KRTAP5-8: variants seen among roughly 807,000 people sequenced by gnomAD.
KRTAP5-8 encodes keratin associated protein 5-8.
KRTAP5-8 carries 2 observed loss-of-function variants against 2.7 expected under a neutral mutation model. The observed-to-expected ratio is 0.75, with a 90% confidence interval of 0.30 to 2.35. The LOEUF (loss-of-function observed/expected upper bound fraction) is 2.35. KRTAP5-8 is among the 30% of genes most tolerant of loss of function. The pLI is 0.12. For missense variants in KRTAP5-8, 183 were observed against 227.2 expected, an observed-to-expected ratio of 0.81 and a Z score of 1.25; for synonymous variants, 62 against 89.1, an observed-to-expected ratio of 0.70 and a Z score of 1.71.
chr11:71,538,372 A>C lies in KRTAP5-8; in HGVS notation c.317A>C (p.Gln106Pro). The change falls in exon 1 of 1, where the codon CAG becomes CCG. Residue 106 changes from glutamine to proline, a missense_variant. Physicochemically the swap from Gln to Pro is moderately conservative, Grantham distance 76. This residue lies in a region of KRTAP5-8 where 70 missense variants were observed against 117.9 expected (regional missense o/e 0.59). Coordinates refer to ENST00000398534, the MANE Select transcript of KRTAP5-8 (RefSeq NM_021046.3). ...TCAGGCTGTGGGTCATCCTGCTGCC[A>C]GTCCAGCTGCTGCAAACCCTGCTGT... Reference protein sequence around the residue: ...CSSGCGSSCCQSSCCKPCCSQ... With the variant: ...CSSGCGSSCCPSSCCKPCCSQ... 2 of 1,602,506 alleles carry C rather than the reference A, an allele frequency of 1.2e-6. No homozygotes were observed. The highest frequency in any genetic ancestry group is 1.7e-6 in the Non-Finnish European group (2 of 1,173,722).
At position 71,538,336 on chromosome 11, in the gene KRTAP5-8, G is replaced by C. The variant is rs369249854; in HGVS notation, c.281G>C (p.Cys94Ser). The change falls in exon 1 of 1, where the codon TGC (cysteine) becomes TCC (serine). Residue 94 changes from cysteine to serine, a missense_variant. Cys to Ser is a moderately radical substitution (Grantham distance 112, BLOSUM62 -1). Around this residue, in one of 2 missense-constraint regions of KRTAP5-8, gnomAD observed 70 missense variants for 117.9 expected, o/e 0.59. Coordinates refer to ENST00000398534, the MANE Select transcript of KRTAP5-8 (RefSeq NM_021046.3). ...GCSQCSCYKP[C>S]CCSSGCGSSC... Reference sequence around the variant, plus strand: ...TCCCAGTGCAGCTGCTATAAGCCCTGCTGTTGCTCCTCAGGCTGTGGGTCA... The same window carrying C: ...TCCCAGTGCAGCTGCTATAAGCCCTCCTGTTGCTCCTCAGGCTGTGGGTCA... The C allele has an allele frequency of 2.5e-6, 4 of 1,611,112 alleles. No individual in the cohort carries two copies. The African/African-American group carries it at 5.3e-5, about 22-fold the overall frequency.
In KRTAP5-8 at chr11:71,538,414, G is replaced by C. The variant is rs757348384; in HGVS notation, c.359G>C (p.Cys120Ser). 4 of 1,611,132 alleles carry C rather than the reference G, an allele frequency of 2.5e-6. No homozygotes were observed. Among genetic ancestry groups the C allele is most frequent in the Non-Finnish European group, 3.4e-6 (4 of 1,178,978 alleles). Residue 120 changes from cysteine to serine, a missense_variant, in exon 1 of 1, where the codon TGT becomes TCT. Coordinates refer to ENST00000398534, the MANE Select transcript of KRTAP5-8 (RefSeq NM_021046.3). ...CKPCCSQSSC[C>S]KPCSCSSGCG... ...CCCTGCTGTTCCCAGTCCAGCTGTTGTAAGCCCTGCAGCTGCTCTTCAGGC... is the reference window on the plus strand; with the variant it reads ...CCCTGCTGTTCCCAGTCCAGCTGTTCTAAGCCCTGCAGCTGCTCTTCAGGC...
Position 71,538,864 on chromosome 11 carries a change from C to T in KRTAP5-8, c.*245C>T. 2.7e-6 allele frequency: 2 copies of T among 751,106 alleles called. No individual in the cohort carries two copies. Among genetic ancestry groups the T allele is most frequent in the Non-Finnish European group, 4.3e-6 (2 of 463,102 alleles). The allele number at this position is 751,106 out of a possible 1,614,324, so 46.5% of individuals were successfully genotyped here. On this transcript the variant is annotated 3_prime_UTR_variant, in exon 1 of 1. Transcript: ENST00000398534. ...CCTTTCCTGACCTCATCACTTCAAC[C>T]TTCTCAGGGCTTCAAGATCCCACAT...
chr11:71,538,316 G>A lies in KRTAP5-8; in HGVS notation c.261G>A (p.Gln87=), dbSNP rs770115058. 6.2e-7 allele frequency: 1 copy of A among 1,613,898 alleles called. No homozygotes were observed. Among genetic ancestry groups the A allele is most frequent in the African/African-American group, 1.3e-5 (1 of 75,026 alleles). Residue 87 remains glutamine (Q), a synonymous_variant, in exon 1 of 1, where the codon CAG becomes CAA. Coordinates refer to ENST00000398534, the MANE Select transcript of KRTAP5-8 (RefSeq NM_021046.3). ...KGGCGSCGCS[Q]CSCYKPCCCS... is the part of the protein sequence containing the mutation. ...GCTGTGGTTCTTGTGGCTGCTCCCAGTGCAGCTGCTATAAGCCCTGCTGTT... is the reference window on the plus strand; with the variant it reads ...GCTGTGGTTCTTGTGGCTGCTCCCAATGCAGCTGCTATAAGCCCTGCTGTT...
Position 71,538,716 on chromosome 11 carries a change from G to T in KRTAP5-8, c.*97G>T, listed in dbSNP as rs1950062668. On this transcript the variant is annotated 3_prime_UTR_variant, in exon 1 of 1. Coordinates refer to ENST00000398534, the MANE Select transcript of KRTAP5-8 (RefSeq NM_021046.3). Reference sequence around the variant, plus strand: ...ATTCCTGAAGCACATCTCTGAGTCTGTCCTCCTCTGGACTAAGGCAGCCTA... The same window carrying T: ...ATTCCTGAAGCACATCTCTGAGTCTTTCCTCCTCTGGACTAAGGCAGCCTA... The T allele has an allele frequency of 6.2e-7, 1 of 1,603,346 alleles. No homozygotes were observed. Among genetic ancestry groups the T allele is most frequent in the South Asian group, 1.1e-5 (1 of 88,856 alleles).
Position 71,538,603 on chromosome 11 carries a change from G to A in KRTAP5-8, c.548G>A (p.Cys183Tyr). 1 of 1,607,408 alleles carries A rather than the reference G, an allele frequency of 6.2e-7. No homozygotes were observed. The highest frequency in any genetic ancestry group is 8.5e-7 in the Non-Finnish European group (1 of 1,177,348). ...TCCAGCTGCTGTGTCCCAATTTGCT[G>A]CCAGTGCAAGATCTGAGGCTCTGCC... ...SQSSCCVPIC[C>Y]QCKI is the part of the protein sequence containing the mutation. Residue 183 changes from cysteine (C) to tyrosine (Y), a missense_variant, in exon 1 of 1, where the codon TGC becomes TAC. Physicochemically the swap from Cys to Tyr is radical, Grantham distance 194. This residue lies in a region of KRTAP5-8 where 70 missense variants were observed against 117.9 expected (regional missense o/e 0.59). Transcript: ENST00000398534.
Position 71,538,077 on chromosome 11 carries a change from G to A in KRTAP5-8, c.22G>A (p.Gly8Arg), listed in dbSNP as rs749321945. 6.2e-7 allele frequency: 1 copy of A among 1,612,642 alleles called. No individual in the cohort carries two copies. Among genetic ancestry groups the A allele is most frequent in the South Asian group, 1.1e-5 (1 of 91,002 alleles). The change falls in exon 1 of 1, where the codon GGA becomes AGA. Residue 8 changes from glycine to arginine, a missense_variant. Around this residue, in one of 2 missense-constraint regions of KRTAP5-8, gnomAD observed 113 missense variants for 109.3 expected, o/e 1.03. Coordinates refer to ENST00000398534, the MANE Select transcript of KRTAP5-8 (RefSeq NM_021046.3). MGCCGCSGGCGSGCGGCG... is the reference protein window; with the variant it reads MGCCGCSRGCGSGCGGCG... ...AACCATGGGCTGCTGTGGCTGCTCT[G>A]GAGGCTGTGGCTCCGGCTGTGGGGG...
rs1199413396 is a variant in KRTAP5-8, at chr11:71,538,254, A to G, written c.199A>G (p.Lys67Glu). The stretch of plus-strand genomic sequence containing the variant: ...GGGCCGTGGCTCCTGTGGGGGCTCC[A>G]AGGGGGACTGTGGCTCCTGTGGGGG... The part of the protein sequence containing the change: ...KGGRGSCGGS[K>E]GDCGSCGGSK... The change falls in exon 1 of 1, where the codon AAG becomes GAG. Residue 67 changes from lysine to glutamate, a missense_variant. This residue lies in a region of KRTAP5-8 where 113 missense variants were observed against 109.3 expected (regional missense o/e 1.03). Coordinates refer to ENST00000398534, the MANE Select transcript of KRTAP5-8 (RefSeq NM_021046.3). 1 of 1,612,384 alleles carries G rather than the reference A, an allele frequency of 6.2e-7. No individual in the cohort carries two copies. Among genetic ancestry groups the G allele is most frequent in the Non-Finnish European group, 8.5e-7 (1 of 1,179,634 alleles).
rs777743451 is a variant in KRTAP5-8 at position 71,538,066 on chromosome 11, G to A, written c.11G>A (p.Cys4Tyr). MGC[C>Y]GCSGGCGSGC... The stretch of plus-strand genomic sequence containing the variant: ...CAACCCACCAGAACCATGGGCTGCT[G>A]TGGCTGCTCTGGAGGCTGTGGCTCC... The change falls in exon 1 of 1, where the codon TGT (cysteine) becomes TAT (tyrosine). Residue 4 changes from cysteine (C) to tyrosine (Y), a missense_variant. By Grantham distance (194) the Cys-to-Tyr change is radical. Transcript: ENST00000398534. 1 of 1,612,528 alleles carries A rather than the reference G, an allele frequency of 6.2e-7. No individual in the cohort carries two copies. Among genetic ancestry groups the A allele is most frequent in the South Asian group, 1.1e-5 (1 of 90,968 alleles).
In KRTAP5-8 at chr11:71,538,738, C is replaced by T. The variant is rs1269740683; in HGVS notation, c.*119C>T. The T allele has an allele frequency of 1.9e-6, 3 of 1,582,290 alleles. No homozygotes were observed. The highest frequency in any genetic ancestry group is 2.6e-6 in the Non-Finnish European group (3 of 1,162,576). ...TCTGTCCTCCTCTGGACTAAGGCAG[C>T]CTAGCGTCCAGGGCTCAGTACTCAG... On this transcript the variant is annotated 3_prime_UTR_variant, in exon 1 of 1. Coordinates refer to ENST00000398534, the MANE Select transcript of KRTAP5-8 (RefSeq NM_021046.3).
chr11:71,538,174 G>A lies in KRTAP5-8; in HGVS notation c.119G>A (p.Cys40Tyr), dbSNP rs1323566816. ...ATCTGCTGCTGCAAGCCCGTGTGCT[G>A]CTGTGTGCCAGCCTGTTCCTGCTCC... is the stretch of plus-strand genomic sequence containing the variant. The part of the protein sequence containing the change: ...VPICCCKPVC[C>Y]CVPACSCSSC... The change falls in exon 1 of 1, where the codon TGC (cysteine) becomes TAC (tyrosine). Residue 40 changes from cysteine to tyrosine, a missense_variant. Around this residue, in one of 2 missense-constraint regions of KRTAP5-8, gnomAD observed 113 missense variants for 109.3 expected, o/e 1.03. Transcript: ENST00000398534. 1 of 1,612,218 alleles carries A rather than the reference G, an allele frequency of 6.2e-7. No homozygotes were observed. The highest frequency in any genetic ancestry group is 1.7e-5 in the Admixed American group (1 of 59,908).
At position 71,538,287 on chromosome 11, in the gene KRTAP5-8, G is replaced by A; in HGVS notation, c.232G>A (p.Gly78Arg). Residue 78 changes from glycine to arginine, a missense_variant, in exon 1 of 1, where the codon GGA becomes AGA. Gly to Arg is a moderately radical substitution (Grantham distance 125). This residue lies in a region of KRTAP5-8 where 113 missense variants were observed against 109.3 expected (regional missense o/e 1.03). Coordinates refer to ENST00000398534, the MANE Select transcript of KRTAP5-8 (RefSeq NM_021046.3). ...GDCGSCGGSK[G>R]GCGSCGCSQC... ...CTGTGGCTCCTGTGGGGGCTCCAAG[G>A]GAGGCTGTGGTTCTTGTGGCTGCTC... The A allele has an allele frequency of 6.2e-7, 1 of 1,613,826 alleles. No homozygotes were observed. Among genetic ancestry groups the A allele is most frequent in the Non-Finnish European group, 8.5e-7 (1 of 1,179,976 alleles).
chr11:71,538,286 G>A lies in KRTAP5-8; in HGVS notation c.231G>A (p.Lys77=). The A allele has an allele frequency of 1.9e-6, 3 of 1,613,862 alleles. No homozygotes were observed. The highest frequency in any genetic ancestry group is 2.5e-6 in the Non-Finnish European group (3 of 1,179,982). The change falls in exon 1 of 1, where the codon AAG becomes AAA. Residue 77 remains lysine, a synonymous_variant. Transcript: ENST00000398534. ...ACTGTGGCTCCTGTGGGGGCTCCAA[G>A]GGAGGCTGTGGTTCTTGTGGCTGCT... is the stretch of plus-strand genomic sequence containing the variant. ...KGDCGSCGGS[K]GGCGSCGCSQ...
rs777866571 is a variant in KRTAP5-8 at position 71,538,297 on chromosome 11, G to A, written c.242G>A (p.Gly81Asp). The A allele has an allele frequency of 6.2e-7, 1 of 1,613,900 alleles. No individual in the cohort carries two copies. Among genetic ancestry groups the A allele is most frequent in the Non-Finnish European group, 8.5e-7 (1 of 1,180,016 alleles). Reference protein sequence around the residue: ...GSCGGSKGGCGSCGCSQCSCY... With the variant: ...GSCGGSKGGCDSCGCSQCSCY... ...TGTGGGGGCTCCAAGGGAGGCTGTG[G>A]TTCTTGTGGCTGCTCCCAGTGCAGC... Residue 81 changes from glycine (G) to aspartate (D), a missense_variant, in exon 1 of 1, where the codon GGT becomes GAT. Physicochemically the swap from Gly to Asp is moderately conservative, Grantham distance 94. This residue lies in a region of KRTAP5-8 where 113 missense variants were observed against 109.3 expected (regional missense o/e 1.03). Transcript: ENST00000398534.
chr11:71,538,146 C>T lies in KRTAP5-8; in HGVS notation c.91C>T (p.Pro31Ser), dbSNP rs768551165. The T allele has an allele frequency of 1.8e-5, 29 of 1,596,284 alleles. No homozygotes were observed. The highest frequency in any genetic ancestry group is 2.4e-5 in the Non-Finnish European group (28 of 1,175,042). ...GGGATGTGGCTCTAGCTGCTGTGTG[C>T]CCATCTGCTGCTGCAAGCCCGTGTG... The part of the protein sequence containing the change: ...CGGCGSSCCV[P>S]ICCCKPVCCC... The change falls in exon 1 of 1, where the codon CCC becomes TCC. Residue 31 changes from proline (P) to serine (S), a missense_variant. Coordinates refer to ENST00000398534, the MANE Select transcript of KRTAP5-8 (RefSeq NM_021046.3).
Position 71,538,102 on chromosome 11 carries a change from G to C in KRTAP5-8, c.47G>C (p.Gly16Ala). 1 of 1,611,532 alleles carries C rather than the reference G, an allele frequency of 6.2e-7. No individual in the cohort carries two copies. Among genetic ancestry groups the C allele is most frequent in the Non-Finnish European group, 8.5e-7 (1 of 1,179,288 alleles). ...CSGGCGSGCGGCGSGCGGCGS... is the reference protein window; with the variant it reads ...CSGGCGSGCGACGSGCGGCGS... ...GGAGGCTGTGGCTCCGGCTGTGGGG[G>C]CTGCGGCTCTGGCTGTGGGGGATGT... The change falls in exon 1 of 1, where the codon GGC becomes GCC. Residue 16 changes from glycine (G) to alanine (A), a missense_variant. Coordinates refer to ENST00000398534, the MANE Select transcript of KRTAP5-8 (RefSeq NM_021046.3).
chr11:71,538,301 T>C lies in KRTAP5-8; in HGVS notation c.246T>C (p.Ser82=), dbSNP rs1950058718. The C allele has an allele frequency of 6.2e-7, 1 of 1,613,862 alleles. No individual in the cohort carries two copies. Among genetic ancestry groups the C allele is most frequent in the Admixed American group, 1.7e-5 (1 of 60,000 alleles). ...SCGGSKGGCG[S]CGCSQCSCYK... ...GGGGCTCCAAGGGAGGCTGTGGTTC[T>C]TGTGGCTGCTCCCAGTGCAGCTGCT... The change falls in exon 1 of 1, where the codon TCT becomes TCC. Residue 82 remains serine, a synonymous_variant. Coordinates refer to ENST00000398534, the MANE Select transcript of KRTAP5-8 (RefSeq NM_021046.3).
In KRTAP5-8 at chr11:71,538,602, T is replaced by G. The variant is rs1950061921; in HGVS notation, c.547T>G (p.Cys183Gly). ...SQSSCCVPIC[C>G]QCKI ...GTCCAGCTGCTGTGTCCCAATTTGCTGCCAGTGCAAGATCTGAGGCTCTGC... is the reference window on the plus strand; with the variant it reads ...GTCCAGCTGCTGTGTCCCAATTTGCGGCCAGTGCAAGATCTGAGGCTCTGC... Residue 183 changes from cysteine (C) to glycine (G), a missense_variant, in exon 1 of 1, where the codon TGC (cysteine) becomes GGC (glycine). Physicochemically the swap from Cys to Gly is radical, Grantham distance 159. This residue lies in a region of KRTAP5-8 where 70 missense variants were observed against 117.9 expected (regional missense o/e 0.59). Coordinates refer to ENST00000398534, the MANE Select transcript of KRTAP5-8 (RefSeq NM_021046.3). 3 of 1,606,976 alleles carry G rather than the reference T, an allele frequency of 1.9e-6. No homozygotes were observed. Among genetic ancestry groups the G allele is most frequent in the Non-Finnish European group, 2.5e-6 (3 of 1,177,070 alleles).
Position 71,538,169 on chromosome 11 carries a change from G to C in KRTAP5-8, c.114G>C (p.Val38=). The C allele has an allele frequency of 6.2e-7, 1 of 1,611,328 alleles. No individual in the cohort carries two copies. The part of the protein sequence containing the change: ...CCVPICCCKP[V]CCCVPACSCS... ...TGCCCATCTGCTGCTGCAAGCCCGT[G>C]TGCTGCTGTGTGCCAGCCTGTTCCT... The change falls in exon 1 of 1, where the codon GTG becomes GTC. Residue 38 remains valine (V), a synonymous_variant. Coordinates refer to ENST00000398534, the MANE Select transcript of KRTAP5-8 (RefSeq NM_021046.3).
Sources: gnomAD v4.1 joint callset for allele counts on GRCh38, gnomAD v4.1.1 for gene constraint, gnomAD v4.1.1 regional missense constraint, MANE v1.5 for transcripts, NCBI Gene and HGNC (gene_info 2026-07-23, HGNC 2026-07-21) for gene names.